Variants in ACOXL observed in about 807,000 individuals in gnomAD.
The protein encoded by ACOXL is acyl-coenzyme A oxidase-like protein.
ACOXL carries 70 observed loss-of-function variants against 71.9 expected under a neutral mutation model. That is an observed-to-expected ratio of 0.97 (90% CI 0.80 to 1.19). ACOXL has a LOEUF of 1.19. Ranked by LOEUF, ACOXL falls within the 50% of genes most tolerant of loss-of-function variation. The probability of loss-of-function intolerance (pLI) is 0.00; values close to 1 mark genes in which losing one functional copy is unlikely to be tolerated. For synonymous variants in ACOXL, 253 were observed against 281.6 expected (o/e 0.90, Z 1.02); for missense variants, 703 against 736.3 (o/e 0.95, Z 0.52).
chr2:110,933,387 T>G (rs1395259936), intron 11 of ACOXL, 102 bp from the exon 12 acceptor site: 11 of 1,368,108 alleles, frequency 8.0e-6, no homozygotes, highest in Non-Finnish European at 1.1e-5. Context: ...GACATCATAT[T>G]CTTTCCTCAA....
At chr2:110,810,967 T>A (rs1280529270) in intron 9 of ACOXL, among the ~76,000 whole-genome samples, 1 of 152,174 alleles carries the variant, frequency 6.6e-6, no homozygotes, top group African/African-American at 2.4e-5. Context: ...AAAAGCCCCC[T>A]TATAAAACCA....
chr2:110,815,545 A>G (rs1283346842), intron 9 of ACOXL, among the ~76,000 whole-genome samples: 4 of 152,226 alleles, frequency 2.6e-5, no homozygotes, highest in East Asian at 3.8e-4. Context: ...TGTTTTTCAT[A>G]TTTAAAATGT....
At chr2:110,974,136 T>C (rs3789100) in intron 12 of ACOXL, among the ~76,000 whole-genome samples, 20,903 of 152,252 alleles carry the variant, frequency 0.14, 1,814 homozygotes, top group East Asian at 0.35. Flanking sequence ...TCTCCCCATT[T>C]TGGGGAGGCC....
chr2:110,773,546 G>A (rs557095509), intron 2 of ACOXL, among the ~76,000 whole-genome samples: 57 of 152,274 alleles, frequency 3.7e-4, no homozygotes, highest in African/African-American at 8.7e-4. Context: ...GACTGTGACC[G>A]CTGTACTCCC....
chr2:110,970,245 A>C (rs1574329844), intron 12 of ACOXL, among the ~76,000 whole-genome samples: 2 of 152,222 alleles, frequency 1.3e-5, no homozygotes, highest in Admixed American at 1.3e-4. Flanking sequence ...CTTCAACAAA[A>C]TATTAACAAA....
chr2:110,895,680 A>C (rs1315692594), intron 10 of ACOXL, among the ~76,000 whole-genome samples: 5 of 151,976 alleles, frequency 3.3e-5, no homozygotes, highest in Non-Finnish European at 2.9e-5. Flanking sequence ...AGAGAGAGAG[A>C]GAGAGAAACA....
chr2:110,933,168 C>T (rs932755798), intron 11 of ACOXL, among the ~76,000 whole-genome samples: 23 of 152,154 alleles, frequency 1.5e-4, no homozygotes, highest in Admixed American at 4.6e-4. Flanking sequence ...AAACCATTTG[C>T]ACCTAATGTA....
At position 111,073,715 on chromosome 2, in the gene ACOXL, T is replaced by C. The variant is rs184226249; in HGVS notation, c.1441-19150T>C. On this transcript the variant is annotated intron_variant, in intron 16 of 17. Transcript: ENST00000439055. ...GATAATTCCTCTGACTTTATTCATC[T>C]TTGGCAAATTGTTTTAGTGATTCTA... Among the ~76,000 whole-genome samples the C allele has an allele frequency of 5.8e-4, 88 of 152,330 alleles. 1 individual carries two copies. The highest frequency in any genetic ancestry group is 1.1e-3 in the Admixed American group (17 of 15,302).
intron 1 of ACOXL, among the ~76,000 whole-genome samples, chr2:110,753,810 G>C (rs919928572): frequency 6.6e-6 from 1 of 152,080 alleles, no homozygotes; most frequent in Non-Finnish European, 1.5e-5. Context: ...TTCCAAAGTG[G>C]TTGTACCATT....
At chr2:110,890,766 T>G (rs1031104991) in intron 10 of ACOXL, among the ~76,000 whole-genome samples, 1 of 152,202 alleles carries the variant, frequency 6.6e-6, no homozygotes, top group Admixed American at 6.5e-5. Context: ...ATTATTCTTT[T>G]TTTTCAAGAT....
intron 12 of ACOXL, among the ~76,000 whole-genome samples, chr2:110,935,066 C>T (rs946814377): frequency 1.3e-5 from 2 of 151,740 alleles, no homozygotes; most frequent in Non-Finnish European, 1.5e-5. Context: ...GGAACACAGC[C>T]CAGGGATTCG....
At chr2:111,100,600 A>G (rs1009296065) in intron 17 of ACOXL, 3 of 153,146 alleles carry the variant, frequency 2.0e-5, no homozygotes, top group African/African-American at 7.2e-5. Context: ...TCTGAGATGC[A>G]TCGTTTCTGT....
intron 10 of ACOXL, among the ~76,000 whole-genome samples, chr2:110,845,314 T>G (rs1691684358): frequency 1.3e-5 from 2 of 151,966 alleles, no homozygotes; most frequent in Non-Finnish European, 2.9e-5. Flanking sequence ...TTTATAAGGG[T>G]CTTCTTCTCA....
chr2:110,972,419 C>T (rs1400122510), intron 12 of ACOXL, among the ~76,000 whole-genome samples: 1 of 152,130 alleles, frequency 6.6e-6, no homozygotes, highest in African/African-American at 2.4e-5. Flanking sequence ...TGGAAAAATG[C>T]TACCTCAAGT....
chr2:110,830,501 G>A (rs1385451085), intron 9 of ACOXL, among the ~76,000 whole-genome samples: 1 of 151,398 alleles, frequency 6.6e-6, no homozygotes, highest in Non-Finnish European at 1.5e-5. Context: ...CTATATTCCT[G>A]GTAGAAGGCT....
chr2:110,831,140 A>G (rs1240419727), intron 9 of ACOXL, among the ~76,000 whole-genome samples: 1 of 152,194 alleles, frequency 6.6e-6, no homozygotes, highest in East Asian at 1.9e-4. Context: ...AGCCAGGGAA[A>G]TAAGGCAAGG....
intron 15 of ACOXL, among the ~76,000 whole-genome samples, chr2:111,039,410 A>G (rs572356214): frequency 8.3e-4 from 65 of 77,896 alleles, no homozygotes; most frequent in African/African-American, 2.7e-3. Context: ...AACCAAAAAG[A>G]AAAAAAAAAA....
At chr2:110,896,249 C>T (rs1301957340) in intron 10 of ACOXL, among the ~76,000 whole-genome samples, 1 of 152,020 alleles carries the variant, frequency 6.6e-6, no homozygotes, top group Non-Finnish European at 1.5e-5. Flanking sequence ...GATATACTCA[C>T]AAACACTATA....
chr2:110,821,433 C>T (rs1688591360), intron 9 of ACOXL, among the ~76,000 whole-genome samples: 1 of 152,150 alleles, frequency 6.6e-6, no homozygotes. Flanking sequence ...GGGCCCAGAG[C>T]TGCCTCCCAC....
Sources: gnomAD v4.1 joint callset for allele counts (sites outside exome capture counted in the v4.1 genomes callset) on GRCh38, gnomAD v4.1.1 for gene constraint, MANE v1.5 for transcripts, NCBI Gene and HGNC (gene_info 2026-07-23, HGNC 2026-07-21) for gene names.